The following NDUFB10 variants were observed in gnomAD, a reference collection of about 807,000 sequenced individuals.
The protein encoded by NDUFB10 is NADH dehydrogenase [ubiquinone] 1 beta subcomplex subunit 10.
NDUFB10 carries 23 observed loss-of-function variants against 19.0 expected under a neutral mutation model. The observed-to-expected ratio is 1.21, with a 90% CI of 0.87 to 1.71. The LOEUF (loss-of-function observed/expected upper bound fraction) is 1.71. Among genes scored for constraint, NDUFB10 ranks in the 40% most tolerant of loss-of-function variants. The pLI, the probability that NDUFB10 is intolerant of heterozygous loss-of-function variation, is 0.00. For synonymous variants in NDUFB10, 104 were observed against 81.8 expected (o/e 1.27, Z -1.46); for missense variants, 312 against 230.6 (o/e 1.35, Z -2.29).
intron 3 of NDUFB10, 44 bp from the exon 4 acceptor site, chr16:1,961,753 T>G: frequency 1.3e-6 from 2 of 1,534,242 alleles, no homozygotes; most frequent in Non-Finnish European, 1.8e-6. Context: ...CCTTTGCATG[T>G]AGCAGAGGCC....
Position 1,961,170 on chromosome 16 carries a change from C to T in NDUFB10, c.148C>T (p.His50Tyr). Residue 50 changes from histidine (H) to tyrosine (Y), a missense_variant, in exon 2 of 4, where the codon CAC becomes TAC. His to Tyr is a moderately conservative substitution (Grantham distance 83, BLOSUM62 2). Coordinates refer to ENST00000268668, the MANE Select transcript of NDUFB10 (RefSeq NM_004548.3). ...CTTTGCAGAATTTATAGAGCGGCAG[C>T]ACGCAAAGAACAGGTATTACTACTA... ...TLVREFIERQHAKNRYYYYHR... is the reference protein window; with the variant it reads ...TLVREFIERQYAKNRYYYYHR... The T allele has an allele frequency of 1.9e-6, 3 of 1,614,006 alleles. No homozygotes were observed. The highest frequency in any genetic ancestry group is 2.5e-6 in the Non-Finnish European group (3 of 1,179,976).
rs1567315911 is a variant in NDUFB10, at chr16:1,961,272, A to G, written c.250A>G (p.Met84Val). 2.5e-6 allele frequency: 4 copies of G among 1,614,028 alleles called. No homozygotes were observed. Among genetic ancestry groups the G allele is most frequent in the Middle Eastern group, 3.3e-4 (2 of 6,062 alleles). Residue 84 changes from methionine (M) to valine (V), a missense_variant, in exon 2 of 4, where the codon ATG (methionine) becomes GTG (valine). Met to Val is a conservative substitution (Grantham distance 21, BLOSUM62 1). Transcript: ENST00000268668. ...EDIMCMYEAE[M>V]QWKRDYKVDQ... ...CATCATGTGCATGTATGAAGCCGAA[A>G]TGCAGTGGAAGAGGGACTAGTACGT... is the stretch of plus-strand genomic sequence containing the variant.
chr16:1,961,537 C>A lies in NDUFB10; in HGVS notation c.310C>A (p.Leu104Ile). ...AATTATCAACATTATGCAGGATCGG[C>A]TCAAAGCCTGTCAGCAGAGGGAAGG... ...QEIINIMQDR[L>I]KACQQREGQN... The change falls in exon 3 of 4, where the codon CTC becomes ATC. Residue 104 changes from leucine (L) to isoleucine (I), a missense_variant. Coordinates refer to ENST00000268668, the MANE Select transcript of NDUFB10 (RefSeq NM_004548.3). The A allele has an allele frequency of 6.2e-7, 1 of 1,614,094 alleles. No homozygotes were observed. Among genetic ancestry groups the A allele is most frequent in the Non-Finnish European group, 8.5e-7 (1 of 1,180,020 alleles).
At chr16:1,961,363 C>G in intron 2 of NDUFB10, 72 bp downstream of exon 2, 3 of 1,604,010 alleles carry the variant, frequency 1.9e-6, no homozygotes, top group Admixed American at 1.7e-5. Context: ...TGGGATGCCA[C>G]AGGGTGGCAT....
intron 1 of NDUFB10, 109 bp downstream of exon 1, chr16:1,959,863 C>CT (rs2083242046): frequency 6.9e-7 from 1 of 1,446,806 alleles, no homozygotes. Context: ...CTGAGACCGC[C>CT]CCCCGCTGCA....
intron 1 of NDUFB10, among the ~76,000 whole-genome samples, chr16:1,959,964 C>G (rs2083242570): frequency 6.6e-6 from 1 of 152,002 alleles, no homozygotes; most frequent in African/African-American, 2.4e-5. Flanking sequence ...CTCCCAGGAT[C>G]CCTTACTCTC....
Position 1,961,145 on chromosome 16 carries a change from CTT to C in NDUFB10, c.131-6_131-5del. 6.2e-7 allele frequency: 1 copy of C among 1,613,694 alleles called. No homozygotes were observed. On this transcript the variant is annotated splice_region_variant and splice_polypyrimidine_tract_variant and intron_variant, in intron 1 of 3. Coordinates refer to ENST00000268668, the MANE Select transcript of NDUFB10 (RefSeq NM_004548.3). ...GAGGCATTTGAGTCTGTGGCTTTGT[CTT>C]TGCAGAATTTATAGAGCGGCAGCAC...
chr16:1,961,038 C>T, intron 1 of NDUFB10, 115 bp from the exon 2 acceptor site: 11 of 1,310,682 alleles, frequency 8.4e-6, no homozygotes, highest in Non-Finnish European at 1.0e-5. Flanking sequence ...TTTCTAAACG[C>T]TGGAACACTC....
Position 1,961,084 on chromosome 16 carries a change from G to T in NDUFB10, c.131-69G>T, listed in dbSNP as rs188070434. ...CCTCTCTCCCCTCCAAAGGGCTTAT[G>T]AGAAATAAGAAAGCTAAAAGCCTGT... On this transcript the variant is annotated intron_variant, in intron 1 of 3. Transcript: ENST00000268668. 18 of 1,571,788 alleles carry T rather than the reference G, an allele frequency of 1.1e-5. No individual in the cohort carries two copies. In the African/African-American group the frequency reaches 1.5e-4, roughly 13 times the overall value.
Position 1,959,728 on chromosome 16 carries a change from T to G in NDUFB10, c.104T>G (p.Val35Gly). 1 of 1,613,342 alleles carries G rather than the reference T, an allele frequency of 6.2e-7. No homozygotes were observed. The highest frequency in any genetic ancestry group is 1.1e-5 in the South Asian group (1 of 91,088). Residue 35 changes from valine to glycine, a missense_variant, in exon 1 of 4, where the codon GTG (valine) becomes GGG (glycine). Val to Gly is a moderately radical substitution (Grantham distance 109, BLOSUM62 -3). Transcript: ENST00000268668. Reference sequence around the variant, plus strand: ...ATGATGAAAGCGTTCGACCTCATCGTGGACCGACCCGTGACCCTCGTGAGA... The same window carrying G: ...ATGATGAAAGCGTTCGACCTCATCGGGGACCGACCCGTGACCCTCGTGAGA... ...VYMMKAFDLI[V>G]DRPVTLVREF...
chr16:1,961,462 T>C, intron 2 of NDUFB10, 35 bp from the exon 3 acceptor site: 1 of 1,611,596 alleles, frequency 6.2e-7, no homozygotes, highest in Non-Finnish European at 8.5e-7. Flanking sequence ...AAGGATTCCT[T>C]GTGATTAGCC....
chr16:1,960,890 G>T (rs945612295), intron 1 of NDUFB10, among the ~76,000 whole-genome samples: 6 of 152,330 alleles, frequency 3.9e-5, no homozygotes, highest in Non-Finnish European at 5.9e-5. Context: ...CTGTAGGCTT[G>T]TGTGGGGGAC....
chr16:1,961,925 T>G lies in NDUFB10; in HGVS notation c.*19T>G. ...CTCCTGAGGCAGCTGTGGGTGCCCC[T>G]GCTGTGTGGCTCTGTATGACTGTTG... On this transcript the variant is annotated 3_prime_UTR_variant, in exon 4 of 4. Coordinates refer to ENST00000268668, the MANE Select transcript of NDUFB10 (RefSeq NM_004548.3). 3.2e-6 allele frequency: 5 copies of G among 1,545,816 alleles called. No individual in the cohort carries two copies. Among genetic ancestry groups the G allele is most frequent in the Non-Finnish European group, 4.4e-6 (5 of 1,140,730 alleles).
chr16:1,961,915 T>TG lies in NDUFB10; in HGVS notation c.*12dup. On this transcript the variant is annotated 3_prime_UTR_variant, in exon 4 of 4. Coordinates refer to ENST00000268668, the MANE Select transcript of NDUFB10 (RefSeq NM_004548.3). ...CCGCTGCCACCTCCTGAGGCAGCTGTGGGTGCCCCTGCTGTGTGGCTCTGT... is the reference window on the plus strand; with the variant it reads ...CCGCTGCCACCTCCTGAGGCAGCTGTGGGGTGCCCCTGCTGTGTGGCTCTGT... The TG allele has an allele frequency of 6.4e-7, 1 of 1,551,794 alleles. No individual in the cohort carries two copies. The highest frequency in any genetic ancestry group is 8.7e-7 in the Non-Finnish European group (1 of 1,145,716).
chr16:1,961,501 G>C lies in NDUFB10; in HGVS notation c.274G>C (p.Val92Leu). Residue 92 changes from valine to leucine, a missense_variant, in exon 3 of 4, where the codon GTC becomes CTC. By Grantham distance (32) the Val-to-Leu change is conservative (BLOSUM62 1). Transcript: ENST00000268668. The part of the protein sequence containing the change: ...AEMQWKRDYK[V>L]DQEIINIMQD... ...CTTGCTCCTTTTCTCCACCAGCAAA[G>C]TCGACCAAGAAATTATCAACATTAT... The C allele has an allele frequency of 6.2e-7, 1 of 1,614,040 alleles. No individual in the cohort carries two copies. The highest frequency in any genetic ancestry group is 8.5e-7 in the Non-Finnish European group (1 of 1,179,994).
At chr16:1,961,396 G>T in intron 2 of NDUFB10, 101 bp from the exon 3 acceptor site, 1 of 1,594,558 alleles carries the variant, frequency 6.3e-7, no homozygotes, top group Non-Finnish European at 8.6e-7. Flanking sequence ...GGGGTGACAT[G>T]GGAGGAGCCA....
At chr16:1,959,780 C>T in intron 1 of NDUFB10, 26 bp downstream of exon 1, 1 of 1,611,452 alleles carries the variant, frequency 6.2e-7, no homozygotes, top group South Asian at 1.1e-5. Context: ...CCGGGGCTCC[C>T]TCGCCGGCCT....
At chr16:1,960,052 C>A (rs948164914) in intron 1 of NDUFB10, among the ~76,000 whole-genome samples, 3 of 151,718 alleles carry the variant, frequency 2.0e-5, no homozygotes, top group African/African-American at 4.8e-5. Flanking sequence ...GCCCCAGGAC[C>A]CCGCACTGCT....
At chr16:1,959,995 C>T (rs1426263803) in intron 1 of NDUFB10, among the ~76,000 whole-genome samples, 1 of 151,878 alleles carries the variant, frequency 6.6e-6, no homozygotes, top group African/African-American at 2.4e-5. Flanking sequence ...CGGGATGCCC[C>T]GCTTCTTCCC....
Sources: allele counts gnomAD v4.1 joint callset (sites outside exome capture counted in the v4.1 genomes callset), GRCh38; gene constraint gnomAD v4.1.1; transcripts MANE v1.5; gene names NCBI Gene and HGNC (gene_info 2026-07-23, HGNC 2026-07-21).